The following CCNY variants were observed in gnomAD, a reference collection of about 807,000 sequenced individuals.
CCNY encodes cyclin-Y.
In CCNY, 19 loss-of-function variants were observed where a neutral mutation model predicts 42.8. The observed-to-expected ratio is 0.44, with a 90% CI of 0.31 to 0.65. The LOEUF is 0.65. CCNY is among the 30% of genes least tolerant of loss of function. CCNY has a pLI of 0.07. For synonymous variants in CCNY, 165 were observed against 162.7 expected (o/e 1.01, Z -0.11); for missense variants, 370 against 437.3 (o/e 0.85, Z 1.37).
At chr10:35,357,267 A>C (rs1226757897) in intron 1 of CCNY, among the ~76,000 whole-genome samples, 1 of 151,082 alleles carries the variant, frequency 6.6e-6, no homozygotes, top group Non-Finnish European at 1.5e-5. Flanking sequence ...CACAGTCTGA[A>C]ATTATCTTAT....
intron 1 of CCNY, among the ~76,000 whole-genome samples, chr10:35,473,212 C>T (rs961468002): frequency 6.6e-6 from 1 of 152,138 alleles, no homozygotes; most frequent in Non-Finnish European, 1.5e-5. Flanking sequence ...TAAACCAGGC[C>T]GTACATGTCT....
At chr10:35,482,546 C>G (rs553037490) in intron 1 of CCNY, among the ~76,000 whole-genome samples, 1 of 152,276 alleles carries the variant, frequency 6.6e-6, no homozygotes, top group East Asian at 1.9e-4. Flanking sequence ...TCTAAGAGTT[C>G]TAAGATTGCA....
At chr10:35,478,357 C>T (rs1180089580) in intron 1 of CCNY, among the ~76,000 whole-genome samples, 1 of 151,802 alleles carries the variant, frequency 6.6e-6, no homozygotes, top group African/African-American at 2.4e-5. Flanking sequence ...AAGAACAAAG[C>T]TGGAGGCATC....
At position 35,337,132 on chromosome 10, in the gene CCNY, C is replaced by T. The variant is rs1166354520; in HGVS notation, c.79C>T (p.Arg27Trp). 2.5e-6 allele frequency: 4 copies of T among 1,588,004 alleles called. No individual in the cohort carries two copies. Among genetic ancestry groups the T allele is most frequent in the East Asian group, 2.4e-5 (1 of 42,386 alleles). Residue 27 changes from arginine to tryptophan, a missense_variant, in exon 1 of 10, where the codon CGG (arginine) becomes TGG (tryptophan). This residue lies in a region of CCNY where 136 missense variants were observed against 124.2 expected (regional missense o/e 1.09). Coordinates refer to ENST00000374704, the MANE Select transcript of CCNY (RefSeq NM_145012.6). ...RNAHSRLESYRPDTDLSREDT... is the reference protein window; with the variant it reads ...RNAHSRLESYWPDTDLSREDT... ...TGCCCACTCCCGGCTGGAGTCCTACCGGCCAGACACGGACCTGAGCCGCGA... is the reference window on the plus strand; with the variant it reads ...TGCCCACTCCCGGCTGGAGTCCTACTGGCCAGACACGGACCTGAGCCGCGA...
intron 1 of CCNY, among the ~76,000 whole-genome samples, chr10:35,436,273 A>G (rs540835081): frequency 5.1e-4 from 78 of 152,282 alleles, no homozygotes; most frequent in African/African-American, 1.7e-3. Context: ...AGTGTTCACA[A>G]TTTCCTGGTG....
chr10:35,567,777 C>T (rs1370756751), intron 9 of CCNY, among the ~76,000 whole-genome samples: 1 of 152,198 alleles, frequency 6.6e-6, no homozygotes, highest in Admixed American at 6.5e-5. Flanking sequence ...ATGCATAGCA[C>T]TGGTTAGAAA....
intron 3 of CCNY, among the ~76,000 whole-genome samples, chr10:35,308,443 T>C (rs1299038991): frequency 1.3e-5 from 2 of 152,012 alleles, no homozygotes; most frequent in African/African-American, 4.8e-5. Flanking sequence ...TCCTGGCTAC[T>C]TGGGAGGCTG....
At chr10:35,489,930 C>T (rs1839864281) in intron 2 of CCNY, among the ~76,000 whole-genome samples, 1 of 152,174 alleles carries the variant, frequency 6.6e-6, no homozygotes, top group Non-Finnish European at 1.5e-5. Flanking sequence ...CCTAGTTTAA[C>T]CTGATATCCT....
intron 1 of CCNY, among the ~76,000 whole-genome samples, chr10:35,473,627 A>G (rs1839436170): frequency 1.3e-5 from 2 of 152,238 alleles, no homozygotes; most frequent in African/African-American, 2.4e-5. Flanking sequence ...TTAAAAATGA[A>G]TAATAAACTG....
chr10:35,480,265 C>T (rs577892201), intron 1 of CCNY, among the ~76,000 whole-genome samples: 5 of 152,254 alleles, frequency 3.3e-5, no homozygotes, highest in South Asian at 2.1e-4. Flanking sequence ...ATGAAGGAAA[C>T]GTGACAGGGT....
chr10:35,311,309 C>A (rs988977197), intron 3 of CCNY, among the ~76,000 whole-genome samples: 2 of 151,952 alleles, frequency 1.3e-5, no homozygotes, highest in African/African-American at 4.8e-5. Flanking sequence ...CAGAGCAAGA[C>A]CCTGTCTCAA....
In CCNY at chr10:35,572,405, G is replaced by A. The variant is rs55942359; in HGVS notation, c.*3235G>A. ...TCAAGCAATTCTGCCTCAGCCTCCC[G>A]AGTAGCTAGGATCACAGGCACCCAC... On this transcript the variant is annotated 3_prime_UTR_variant, in exon 10 of 10. Transcript: ENST00000374704. 9,002 of 151,680 alleles carry A rather than the reference G, an allele frequency of 0.059. 364 individuals are homozygous for A. The highest frequency in any genetic ancestry group is 0.082 in the Non-Finnish European group (5,586 of 67,952). 9.4% of individuals were successfully genotyped at this position (151,680 alleles called of 1,614,324 possible).
intron 1 of CCNY, among the ~76,000 whole-genome samples, chr10:35,437,592 T>C (rs919855042): frequency 6.6e-6 from 1 of 150,432 alleles, no homozygotes; most frequent in Non-Finnish European, 1.5e-5. Flanking sequence ...AGGCAGAGGT[T>C]ACAGTGAGCC....
chr10:35,411,542 G>A (rs1297774037), intron 1 of CCNY, among the ~76,000 whole-genome samples: 1 of 142,748 alleles, frequency 7.0e-6, no homozygotes, highest in Non-Finnish European at 1.5e-5. Flanking sequence ...AAAAGATTTA[G>A]CAGTGATACA....
chr10:35,263,246 A>ACT (rs1198887686), intron 3 of CCNY, among the ~76,000 whole-genome samples: 1 of 149,390 alleles, frequency 6.7e-6, no homozygotes, highest in East Asian at 2.0e-4. Context: ...GGTCCCAGCT[A>ACT]CTCAGGAGGC....
chr10:35,441,074 G>T (rs1838656712), intron 1 of CCNY, among the ~76,000 whole-genome samples: 1 of 152,104 alleles, frequency 6.6e-6, no homozygotes, highest in South Asian at 2.1e-4. Context: ...GACTCCATTT[G>T]CCTGAAATGG....
At chr10:35,430,623 G>A (rs1232629203) in intron 1 of CCNY, among the ~76,000 whole-genome samples, 1 of 152,100 alleles carries the variant, frequency 6.6e-6, no homozygotes, top group Non-Finnish European at 1.5e-5. Context: ...TAACAAAAGA[G>A]GATTGAGGGT....
chr10:35,512,231 G>A (rs1268401632), intron 3 of CCNY, among the ~76,000 whole-genome samples: 1 of 152,166 alleles, frequency 6.6e-6, no homozygotes, highest in African/African-American at 2.4e-5. Context: ...TGGCATTTGA[G>A]GTACCCATGA....
chr10:35,450,741 C>A (rs1740950443), intron 1 of CCNY, among the ~76,000 whole-genome samples: 1 of 144,578 alleles, frequency 6.9e-6, no homozygotes, highest in Non-Finnish European at 1.5e-5. Flanking sequence ...ATCAGTATTT[C>A]TTAATAAGAA....
Sources: allele counts gnomAD v4.1 joint callset (sites outside exome capture counted in the v4.1 genomes callset), GRCh38; gene constraint gnomAD v4.1.1; regional missense constraint gnomAD v4.1.1; transcripts MANE v1.5; gene names NCBI Gene and HGNC (gene_info 2026-07-23, HGNC 2026-07-21).